Variants in WWC1 observed in about 807,000 individuals in gnomAD.
WWC1 encodes the protein protein KIBRA.
In WWC1, 55 loss-of-function variants were observed where a neutral mutation model predicts 138.4. The observed-to-expected ratio is 0.40, with a 90% CI of 0.32 to 0.50. The LOEUF (loss-of-function observed/expected upper bound fraction) is 0.50, where lower values mean the gene tolerates loss of function less well. Among genes scored for constraint, WWC1 ranks in the 20% least tolerant of loss-of-function variants. WWC1 has a pLI of 0.72. For synonymous variants in WWC1, 524 were observed against 564.9 expected, an observed-to-expected ratio of 0.93 and a Z score of 1.03; for missense variants, 1,226 against 1,420.4, an observed-to-expected ratio of 0.86 and a Z score of 2.20.
chr5:168,332,180 A>C (rs1561619647), intron 1 of WWC1, among the ~76,000 whole-genome samples: 1 of 152,074 alleles, frequency 6.6e-6, no homozygotes, highest in Non-Finnish European at 1.5e-5. Flanking sequence ...AAATGCCTTA[A>C]CATTCAGTAG....
chr5:168,451,856 G>T (rs1287153628), intron 17 of WWC1, among the ~76,000 whole-genome samples: 1 of 150,968 alleles, frequency 6.6e-6, no homozygotes, highest in Non-Finnish European at 1.5e-5. Context: ...TTGCTCAGGG[G>T]AAACTTAAAA....
chr5:168,462,055 CAA>C lies in WWC1; in HGVS notation c.2916+1324_2916+1325del, dbSNP rs376257386. Among the ~76,000 whole-genome samples the C allele has an allele frequency of 3.5e-3, 384 of 109,016 alleles. 1 individual carries two copies. Among genetic ancestry groups the C allele is most frequent in the African/African-American group, 0.011 (349 of 31,470 alleles). 71.5% of individuals were successfully genotyped at this position (109,016 alleles called of 152,430 possible). A position where few individuals can be genotyped will look rare whatever the true frequency, so the allele number is the denominator to read the frequency against. ...GGGCAACAAGAGTGAAACTACATCTCAAAAAAAAAAAAGAAAGAAAGAAAAAA... is the reference window on the plus strand; with the variant it reads ...GGGCAACAAGAGTGAAACTACATCTCAAAAAAAAAAGAAAGAAAGAAAAAA... On this transcript the variant is annotated intron_variant, in intron 20 of 22. Coordinates refer to ENST00000265293, the MANE Select transcript of WWC1 (RefSeq NM_015238.3).
intron 1 of WWC1, among the ~76,000 whole-genome samples, chr5:168,346,368 A>G (rs1426051132): frequency 6.6e-6 from 1 of 152,218 alleles, no homozygotes; most frequent in Non-Finnish European, 1.5e-5. Flanking sequence ...ATGCCCGCAG[A>G]AAACAGCAGC....
intron 15 of WWC1, 68 bp downstream of exon 15, chr5:168,431,512 T>C: frequency 2.6e-6 from 4 of 1,517,866 alleles, no homozygotes; most frequent in East Asian, 2.3e-5. Context: ...CTGACCGGCC[T>C]TCTGTGTTTA....
chr5:168,440,153 A>T (rs561415462), intron 15 of WWC1, among the ~76,000 whole-genome samples: 1 of 152,350 alleles, frequency 6.6e-6, no homozygotes, highest in South Asian at 2.1e-4. Flanking sequence ...GGACTTGAAT[A>T]GACATTTCTC....
intron 20 of WWC1, among the ~76,000 whole-genome samples, chr5:168,461,608 G>A (rs57265255): frequency 0.24 from 36,078 of 152,148 alleles, 4,524 homozygotes; most frequent in Admixed American, 0.31. Flanking sequence ...CGGATGGGGT[G>A]GGGGTAGGCA....
In WWC1 at chr5:168,357,489, TGTGTGCGCGCGCGCACGCATGCAC is replaced by T. The variant is rs1171498230; in HGVS notation, c.120-13931_120-13908del. 4.6e-5 allele frequency among the ~76,000 whole-genome samples: 3 copies of T among 65,338 alleles called. No homozygotes were observed. In the Admixed American group the frequency reaches 5.3e-4, roughly 12 times the overall value. The allele number at this position is 65,338 out of a possible 152,430, so 42.9% of individuals were successfully genotyped here. ...GTGTGTGTGTGTGTGTGTGTGTGTG[TGTGTGCGCGCGCGCACGCATGCAC>T]GTGCGTGCATGCCAGGGTATTGTGT... is the stretch of plus-strand genomic sequence containing the variant. On this transcript the variant is annotated intron_variant, in intron 1 of 22. Transcript: ENST00000265293.
At chr5:168,438,712 G>C (rs1017347266) in intron 15 of WWC1, among the ~76,000 whole-genome samples, 1 of 151,866 alleles carries the variant, frequency 6.6e-6, no homozygotes, top group African/African-American at 2.4e-5. Context: ...CCTGACCAGG[G>C]CTCATTTTTG....
intron 11 of WWC1, among the ~76,000 whole-genome samples, chr5:168,426,980 T>G (rs1044047840): frequency 2.6e-5 from 4 of 152,232 alleles, no homozygotes; most frequent in African/African-American, 9.6e-5. Flanking sequence ...GCAGCACGTG[T>G]TGAGTGCTTA....
intron 1 of WWC1, among the ~76,000 whole-genome samples, chr5:168,369,203 GC>G (rs1296072417): frequency 6.6e-6 from 1 of 152,168 alleles, no homozygotes; most frequent in Non-Finnish European, 1.5e-5. Flanking sequence ...ATTTTTGAGT[GC>G]CCATTCACAC....
intron 3 of WWC1, among the ~76,000 whole-genome samples, chr5:168,393,072 C>G (rs1461381779): frequency 6.6e-6 from 1 of 151,556 alleles, no homozygotes; most frequent in African/African-American, 2.4e-5. Flanking sequence ...ATGGAGGAAA[C>G]CTTCTAAAAA....
At position 168,469,007 on chromosome 5, in the gene WWC1, A is replaced by G. The variant is rs748450559; in HGVS notation, c.3332A>G (p.Asp1111Gly). Reference protein sequence around the residue: ...PRMNIPALSADDV With the variant: ...PRMNIPALSAGDV ...ATGAATATCCCAGCTCTCTCTGCAGATGACGTCTAATCGCCAGAAAAGTAT... is the reference window on the plus strand; with the variant it reads ...ATGAATATCCCAGCTCTCTCTGCAGGTGACGTCTAATCGCCAGAAAAGTAT... Residue 1111 changes from aspartate to glycine, a missense_variant, in exon 23 of 23, where the codon GAT becomes GGT. By Grantham distance (94) the Asp-to-Gly change is moderately conservative (BLOSUM62 -1). Around this residue, in one of 3 missense-constraint regions of WWC1, gnomAD observed 206 missense variants for 247.4 expected, o/e 0.83. Coordinates refer to ENST00000265293, the MANE Select transcript of WWC1 (RefSeq NM_015238.3). 2.5e-6 allele frequency: 4 copies of G among 1,614,232 alleles called. No individual in the cohort carries two copies. Among genetic ancestry groups the G allele is most frequent in the Non-Finnish European group, 3.4e-6 (4 of 1,180,042 alleles).
At chr5:168,324,497 C>T (rs759753487) in intron 1 of WWC1, among the ~76,000 whole-genome samples, 3 of 151,874 alleles carry the variant, frequency 2.0e-5, no homozygotes, top group East Asian at 1.9e-4. Context: ...CTTAGATCTA[C>T]GTGAGAAATT....
rs139291948 is a variant in WWC1, at chr5:168,452,882, G to C, written c.2526-1086G>C. Among the ~76,000 whole-genome samples the C allele has an allele frequency of 8.9e-3, 1,347 of 152,188 alleles. 11 individuals carry two copies. Among genetic ancestry groups the C allele is most frequent in the African/African-American group, 0.031 (1,297 of 41,508 alleles). On this transcript the variant is annotated intron_variant, in intron 17 of 22. Coordinates refer to ENST00000265293, the MANE Select transcript of WWC1 (RefSeq NM_015238.3). ...GGGTGCATTTAAAGGCAGGTGAACA[G>C]ATCTAAACATGTTGCAATATAGCCA... is the stretch of plus-strand genomic sequence containing the variant.
At chr5:168,391,905 TAGTG>T (rs985609489) in intron 3 of WWC1, among the ~76,000 whole-genome samples, 9 of 151,462 alleles carry the variant, frequency 5.9e-5, no homozygotes, top group Admixed American at 2.0e-4. Flanking sequence ...AATGGGCTGA[TAGTG>T]AGGAAGGCTC....
intron 1 of WWC1, among the ~76,000 whole-genome samples, chr5:168,342,479 G>T (rs1440048722): frequency 6.6e-6 from 1 of 152,210 alleles, no homozygotes; most frequent in Non-Finnish European, 1.5e-5. Context: ...AGTGATACAT[G>T]TATAGAAGTT....
At chr5:168,333,840 T>G (rs1158757974) in intron 1 of WWC1, among the ~76,000 whole-genome samples, 3 of 152,026 alleles carry the variant, frequency 2.0e-5, no homozygotes, top group Non-Finnish European at 2.9e-5. Flanking sequence ...CAAGATGAAC[T>G]CATTACAAGA....
chr5:168,468,392 A>T (rs1309294808), intron 22 of WWC1, among the ~76,000 whole-genome samples: 1 of 151,788 alleles, frequency 6.6e-6, no homozygotes, highest in Admixed American at 6.6e-5. Context: ...GTATTCTCGG[A>T]GGGTCCCGAA....
intron 15 of WWC1, among the ~76,000 whole-genome samples, chr5:168,437,737 G>A (rs988305347): frequency 7.9e-5 from 12 of 152,196 alleles, no homozygotes; most frequent in African/African-American, 2.9e-4. Context: ...CAGATAAACA[G>A]TATATCTTGT....
Sources: gnomAD v4.1 joint callset for allele counts (sites outside exome capture counted in the v4.1 genomes callset) on GRCh38, gnomAD v4.1.1 for gene constraint, gnomAD v4.1.1 regional missense constraint, MANE v1.5 for transcripts, NCBI Gene and HGNC (gene_info 2026-07-23, HGNC 2026-07-21) for gene names.